The following MAGI1 variants were observed in gnomAD, a reference collection of about 807,000 sequenced individuals.
MAGI1 encodes the protein membrane-associated guanylate kinase, WW and PDZ domain-containing protein 1.
Under a neutral mutation model 139.9 loss-of-function variants are expected in MAGI1, and 58 were observed. The observed-to-expected ratio is 0.41, with a 90% CI of 0.34 to 0.52. MAGI1 has a LOEUF of 0.52. MAGI1 is among the 20% of genes least tolerant of loss of function. The probability of loss-of-function intolerance (pLI) is 0.12; values close to 1 mark genes in which losing one functional copy is unlikely to be tolerated. For synonymous variants in MAGI1, 812 were observed against 737.9 expected, an observed-to-expected ratio of 1.10 and a Z score of -1.63; for missense variants, 1,874 against 1,901.6, an observed-to-expected ratio of 0.99 and a Z score of 0.27.
intron 12 of MAGI1, among the ~76,000 whole-genome samples, chr3:65,410,250 A>G (rs1945684213): frequency 6.6e-6 from 1 of 152,224 alleles, no homozygotes; most frequent in Non-Finnish European, 1.5e-5. Context: ...AAAGGTTGAA[A>G]GCTTAGTGCA....
At chr3:65,469,178 A>ATG (rs1172352921) in intron 5 of MAGI1, among the ~76,000 whole-genome samples, 1 of 152,164 alleles carries the variant, frequency 6.6e-6, no homozygotes, top group East Asian at 1.9e-4. Flanking sequence ...GATGTAGGAT[A>ATG]TGTGTGTATA....
At chr3:65,659,489 T>G (rs1050466217) in intron 1 of MAGI1, among the ~76,000 whole-genome samples, 7 of 152,240 alleles carry the variant, frequency 4.6e-5, no homozygotes, top group African/African-American at 1.4e-4. Flanking sequence ...GCCAGGACGG[T>G]TCCAAAAACA....
chr3:65,712,333 G>A (rs534819992), intron 1 of MAGI1, among the ~76,000 whole-genome samples: 1 of 151,848 alleles, frequency 6.6e-6, no homozygotes, highest in Non-Finnish European at 1.5e-5. Flanking sequence ...TCTGGCTGAT[G>A]GTCCTCACTG....
At chr3:65,950,078 C>CAAAAAAAAAAAAAAAAAAAAAAAAAAAA (rs751496271) in intron 1 of MAGI1, among the ~76,000 whole-genome samples, 2 of 40,336 alleles carry the variant, frequency 5.0e-5, no homozygotes, top group African/African-American at 1.6e-4. Context: ...AAAAAAAAAA[C>CAAAAAAAAAAAAAAAAAAAAAAAAAAAA]AAAAAAAAAA....
chr3:65,456,924 G>C (rs1358428108), intron 5 of MAGI1, among the ~76,000 whole-genome samples: 1 of 152,076 alleles, frequency 6.6e-6, no homozygotes, highest in African/African-American at 2.4e-5. Flanking sequence ...CTTTATTATT[G>C]TGACTATATA....
intron 1 of MAGI1, among the ~76,000 whole-genome samples, chr3:65,793,060 C>A (rs1038248704): frequency 3.3e-5 from 5 of 152,150 alleles, no homozygotes; most frequent in African/African-American, 1.2e-4. Context: ...TCTCATCCAC[C>A]AGCTAAGTTG....
At chr3:65,549,504 C>G (rs1488778495) in intron 2 of MAGI1, 1 of 984,976 alleles carries the variant, frequency 1.0e-6, no homozygotes, top group Admixed American at 6.1e-5. Context: ...CGCGTCTGAG[C>G]GGCCCGGCGG....
chr3:65,682,769 G>A (rs2087684645), intron 1 of MAGI1, among the ~76,000 whole-genome samples: 1 of 152,120 alleles, frequency 6.6e-6, no homozygotes, highest in Non-Finnish European at 1.5e-5. Context: ...TTCACTCTGT[G>A]AAAGCCCATG....
intron 1 of MAGI1, among the ~76,000 whole-genome samples, chr3:65,825,133 T>C (rs1433558191): frequency 6.6e-6 from 1 of 152,202 alleles, no homozygotes; most frequent in Admixed American, 6.5e-5. Context: ...AAGTTTATCT[T>C]TGAAAATCTA....
intron 1 of MAGI1, among the ~76,000 whole-genome samples, chr3:65,680,415 T>C (rs1416790662): frequency 2.6e-5 from 4 of 152,142 alleles, no homozygotes; most frequent in Non-Finnish European, 2.9e-5. Context: ...GACTGATCAA[T>C]TGATTGATGT....
chr3:65,896,919 C>T lies in MAGI1; in HGVS notation c.313+141077G>A, dbSNP rs143495779. Reference sequence around the variant, plus strand: ...TACACATAATACAACTAGAATAATACAATTGCCCCTCCATATCCGAGAAAA... The same window carrying T: ...TACACATAATACAACTAGAATAATATAATTGCCCCTCCATATCCGAGAAAA... On this transcript the variant is annotated intron_variant, in intron 1 of 22. Coordinates refer to ENST00000402939, the MANE Select transcript of MAGI1 (RefSeq NM_001033057.2). Among the ~76,000 whole-genome samples the T allele has an allele frequency of 3.0e-3, 461 of 152,162 alleles. 2 individuals are homozygous for T. Among genetic ancestry groups the T allele is most frequent in the African/African-American group, 0.011 (442 of 41,526 alleles).
At chr3:65,919,374 G>C (rs140510137) in intron 1 of MAGI1, among the ~76,000 whole-genome samples, 2,588 of 152,134 alleles carry the variant, frequency 0.017, 91 homozygotes, top group African/African-American at 0.059. Flanking sequence ...ACCAGCCTGG[G>C]CAACACAGGG....
At chr3:65,737,792 C>A (rs1264983135) in intron 1 of MAGI1, among the ~76,000 whole-genome samples, 2 of 152,118 alleles carry the variant, frequency 1.3e-5, no homozygotes, top group Non-Finnish European at 2.9e-5. Context: ...CATTACTCTA[C>A]CCACATATGG....
At chr3:65,926,796 A>C (rs1293390010) in intron 1 of MAGI1, among the ~76,000 whole-genome samples, 1 of 152,120 alleles carries the variant, frequency 6.6e-6, no homozygotes, top group African/African-American at 2.4e-5. Flanking sequence ...GGAGTTCAAG[A>C]CCAGCCTGGC....
intron 6 of MAGI1, among the ~76,000 whole-genome samples, chr3:65,448,704 AC>A (rs1187811175): frequency 2.1e-5 from 2 of 95,292 alleles, no homozygotes; most frequent in Non-Finnish European, 2.9e-5. Flanking sequence ...ACATACACAC[AC>A]ACACACACAC....
chr3:65,612,078 CA>C (rs2083154298), intron 2 of MAGI1, among the ~76,000 whole-genome samples: 1 of 151,950 alleles, frequency 6.6e-6, no homozygotes, highest in Non-Finnish European at 1.5e-5. Flanking sequence ...AACATAGTAA[CA>C]AAATCTCAAT....
chr3:65,371,764 T>G lies in MAGI1; in HGVS notation c.3196+3981A>C. On this transcript the variant is annotated intron_variant, in intron 18 of 22. Transcript: ENST00000402939. Reference sequence around the variant, plus strand: ...CATTTCAACAAAGTTTGCAACATCTTTACCAGTAGATTCCATCTCAAGAAA... The same window carrying G: ...CATTTCAACAAAGTTTGCAACATCTGTACCAGTAGATTCCATCTCAAGAAA... 4 of 221,910 alleles carry G rather than the reference T, an allele frequency of 1.8e-5. No individual in the cohort carries two copies. In the South Asian group the frequency reaches 2.0e-4, roughly 11 times the overall value. 13.7% of individuals were successfully genotyped at this position (221,910 alleles called of 1,614,324 possible).
intron 1 of MAGI1, among the ~76,000 whole-genome samples, chr3:65,661,469 T>A (rs191911489): frequency 1.3e-5 from 2 of 152,252 alleles, no homozygotes; most frequent in East Asian, 3.9e-4. Context: ...CAGCAACATA[T>A]GAATAACCAT....
chr3:65,555,844 C>A (rs1465285120), intron 2 of MAGI1, among the ~76,000 whole-genome samples: 1 of 152,120 alleles, frequency 6.6e-6, no homozygotes, highest in Non-Finnish European at 1.5e-5. Context: ...GAGAGCAAGA[C>A]CCTGTCTCAA....
Sources: gnomAD v4.1 joint callset for allele counts (sites outside exome capture counted in the v4.1 genomes callset) on GRCh38, gnomAD v4.1.1 for gene constraint, MANE v1.5 for transcripts, NCBI Gene and HGNC (gene_info 2026-07-23, HGNC 2026-07-21) for gene names.